Variants in ASB4 observed in about 807,000 individuals in gnomAD.
The protein encoded by ASB4 is ankyrin repeat and SOCS box protein 4.
Under a neutral mutation model 38.6 loss-of-function variants are expected in ASB4, and 35 were observed. That is an observed-to-expected ratio of 0.91 (90% confidence interval 0.69 to 1.20). The LOEUF (loss-of-function observed/expected upper bound fraction) is 1.20, where lower values mean the gene tolerates loss of function less well. ASB4 is among the 50% of genes most tolerant of loss of function. The probability of loss-of-function intolerance (pLI) is 0.00; values close to 1 mark genes in which losing one functional copy is unlikely to be tolerated. For missense variants in ASB4, 557 were observed against 527.2 expected, an observed-to-expected ratio of 1.06 and a Z score of -0.55; for synonymous variants, 195 against 201.3, an observed-to-expected ratio of 0.97 and a Z score of 0.26.
At chr7:95,496,168 T>A (rs1790245657) in intron 2 of ASB4, 111 bp downstream of exon 2, 7 of 1,012,894 alleles carry the variant, frequency 6.9e-6, no homozygotes, top group Non-Finnish European at 1.0e-5. Context: ...GATGCAATTA[T>A]GCCTAGTACA....
At chr7:95,483,274 A>C (rs561784340), upstream of ASB4, among the ~76,000 whole-genome samples, 1 of 152,300 alleles carries the variant, frequency 6.6e-6, no homozygotes, top group African/African-American at 2.4e-5. Flanking sequence ...TTCACTTGAT[A>C]CACGTGGTCT....
At chr7:95,488,542 C>T (rs900245578) in intron 1 of ASB4, among the ~76,000 whole-genome samples, 2 of 152,174 alleles carry the variant, frequency 1.3e-5, no homozygotes, top group African/African-American at 4.8e-5. Flanking sequence ...GAGCAGTCTA[C>T]AGTGGTTAGT....
chr7:95,538,643 G>T lies in ASB4; in HGVS notation c.*884G>T, dbSNP rs1203657359. 1.3e-5 allele frequency: 2 copies of T among 152,158 alleles called. No individual in the cohort carries two copies. Among genetic ancestry groups the T allele is most frequent in the Non-Finnish European group, 2.9e-5 (2 of 68,026 alleles). The allele number at this position is 152,158 out of a possible 1,614,324, so 9.4% of individuals were successfully genotyped here. The stretch of plus-strand genomic sequence containing the variant: ...TAAAGTAGAGGGATCTCCTGCTCTT[G>T]TTAGGGTATTTTTAAGGTTTTTTCT... On this transcript the variant is annotated 3_prime_UTR_variant, in exon 5 of 5. Transcript: ENST00000325885.
chr7:95,544,995 A>G (rs1234091847), downstream of ASB4, among the ~76,000 whole-genome samples: 1 of 151,474 alleles, frequency 6.6e-6, no homozygotes, highest in African/African-American at 2.4e-5. Flanking sequence ...GCCAGATATG[A>G]CAGGGTTTCT....
downstream of ASB4, among the ~76,000 whole-genome samples, chr7:95,540,751 A>G (rs578141991): frequency 5.3e-5 from 8 of 152,358 alleles, no homozygotes; most frequent in South Asian, 1.7e-3. Context: ...CTTCTTAGGA[A>G]CTAGACACAC....
chr7:95,503,781 T>C (rs748970495), intron 2 of ASB4, among the ~76,000 whole-genome samples: 6 of 152,190 alleles, frequency 3.9e-5, no homozygotes, highest in Non-Finnish European at 8.8e-5. Context: ...TGAAAACCGA[T>C]GTAATTTCAT....
intron 2 of ASB4, among the ~76,000 whole-genome samples, chr7:95,511,060 TAGA>T (rs1208847703): frequency 6.6e-6 from 1 of 152,162 alleles, no homozygotes; most frequent in Non-Finnish European, 1.5e-5. Context: ...TAAACAATTT[TAGA>T]AGGTTTTTCC....
intron 3 of ASB4, among the ~76,000 whole-genome samples, chr7:95,531,177 A>G (rs1790814937): frequency 6.6e-6 from 1 of 152,192 alleles, no homozygotes; most frequent in African/African-American, 2.4e-5. Flanking sequence ...TCTTTCAGTC[A>G]CAGCAGAGTC....
At chr7:95,472,391 A>C in the ASB4 span, among the ~76,000 whole-genome samples, 4 of 152,072 alleles carry the variant, frequency 2.6e-5, no homozygotes, top group African/African-American at 9.7e-5. Context: ...ATAATATTTG[A>C]ACATTTTGCA....
At chr7:95,480,724 T>C (rs1306314619) in intron 1 of ASB4, among the ~76,000 whole-genome samples, 1 of 152,214 alleles carries the variant, frequency 6.6e-6, no homozygotes, top group East Asian at 1.9e-4. Context: ...ACAGACATCA[T>C]AGAGCAGAGA....
chr7:95,521,281 G>A lies in ASB4; in HGVS notation c.488-6532G>A, dbSNP rs541537116. Among the ~76,000 whole-genome samples the A allele has an allele frequency of 2.6e-5, 4 of 152,104 alleles. No individual in the cohort carries two copies. In the East Asian group the frequency reaches 7.7e-4, roughly 29 times the overall value. ...GAAAAGCCCAACCCAATGAAAAATG[G>A]GCAGAAGCTATGAAGAGACAATTCT... On this transcript the variant is annotated intron_variant, in intron 2 of 4. Transcript: ENST00000325885.
exon 1 of ASB4, chr7:95,478,528 CTGTA>C (rs1312524663): frequency 2.6e-5 from 4 of 152,168 alleles, no homozygotes; most frequent in African/African-American, 9.7e-5. Context: ...CATCCACCAC[CTGTA>C]AAGAGAGTCG....
chr7:95,522,202 C>G (rs1186068874), intron 2 of ASB4, among the ~76,000 whole-genome samples: 1 of 152,054 alleles, frequency 6.6e-6, no homozygotes, highest in Non-Finnish European at 1.5e-5. Context: ...ATAACTACAG[C>G]TGCATTTCTA....
chr7:95,517,846 T>C (rs1346919713), intron 2 of ASB4, among the ~76,000 whole-genome samples: 2 of 151,286 alleles, frequency 1.3e-5, no homozygotes, highest in African/African-American at 4.9e-5. Context: ...CAAAAAGCAA[T>C]AGAAAGAAAT....
chr7:95,495,974 G>A lies in ASB4; in HGVS notation c.404G>A (p.Cys135Tyr). The change falls in exon 2 of 5, where the codon TGC becomes TAC. Residue 135 changes from cysteine (C) to tyrosine (Y), a missense_variant. Transcript: ENST00000325885. ...TGTGATCGTGGGGCAAAGCTCAATT[G>A]CTACTCCTTAAGTGGACACACAGCT... ...ILCDRGAKLN[C>Y]YSLSGHTALH... 1 of 1,614,060 alleles carries A rather than the reference G, an allele frequency of 6.2e-7. No individual in the cohort carries two copies. Among genetic ancestry groups the A allele is most frequent in the Non-Finnish European group, 8.5e-7 (1 of 1,179,972 alleles).
At chr7:95,472,393 C>G in the ASB4 span, among the ~76,000 whole-genome samples, 59 of 152,170 alleles carry the variant, frequency 3.9e-4, no homozygotes, top group South Asian at 2.5e-3. Flanking sequence ...AATATTTGAA[C>G]ATTTTGCACT....
At chr7:95,527,506 G>A (rs777290346) in intron 2 of ASB4, among the ~76,000 whole-genome samples, 3 of 152,094 alleles carry the variant, frequency 2.0e-5, no homozygotes, top group Non-Finnish European at 4.4e-5. Flanking sequence ...AAATCTCTTG[G>A]TATTTCCAAA....
chr7:95,541,032 T>A (rs910493045), downstream of ASB4, among the ~76,000 whole-genome samples: 3 of 152,250 alleles, frequency 2.0e-5, no homozygotes, highest in Admixed American at 2.0e-4. Context: ...TCACCCATTT[T>A]CTTTGAAACA....
chr7:95,526,043 A>G (rs1021273647), intron 2 of ASB4, among the ~76,000 whole-genome samples: 1 of 152,250 alleles, frequency 6.6e-6, no homozygotes, highest in Non-Finnish European at 1.5e-5. Flanking sequence ...TTTTAAAGCT[A>G]ACAAAATGCA....
Sources: gnomAD v4.1 joint callset for allele counts (sites outside exome capture counted in the v4.1 genomes callset) on GRCh38, gnomAD v4.1.1 for gene constraint, MANE v1.5 for transcripts, NCBI Gene and HGNC (gene_info 2026-07-23, HGNC 2026-07-21) for gene names.